The following ADAM23 variants were observed in gnomAD, a reference collection of about 807,000 sequenced individuals.
ADAM23 encodes disintegrin and metalloproteinase domain-containing protein 23.
A neutral mutation model predicts 120.1 loss-of-function variants in ADAM23; 33 were observed. The ratio of observed to expected loss-of-function variants is 0.27; its 90% confidence interval spans 0.21 to 0.37. The LOEUF is 0.37. Among genes scored for constraint, ADAM23 ranks in the 10% least tolerant of loss-of-function variants. ADAM23 has a pLI of 1.00. For synonymous variants in ADAM23, 367 were observed against 375.2 expected (o/e 0.98, Z 0.25); for missense variants, 862 against 1,058.2 (o/e 0.81, Z 2.57).
intron 4 of ADAM23, among the ~76,000 whole-genome samples, chr2:206,533,518 G>A (rs1214393596): frequency 6.6e-6 from 1 of 152,152 alleles, no homozygotes; most frequent in East Asian, 1.9e-4. Flanking sequence ...ATCTCAAATT[G>A]TTTAGAGAAA....
intron 3 of ADAM23, among the ~76,000 whole-genome samples, chr2:206,504,853 C>T (rs1267936444): frequency 6.6e-6 from 1 of 152,036 alleles, no homozygotes; most frequent in East Asian, 1.9e-4. Flanking sequence ...CTATAGGGCT[C>T]TTATATGTGT....
intron 19 of ADAM23, 137 bp downstream of exon 19, chr2:206,587,512 A>G (rs1698346490): frequency 1.6e-6 from 1 of 606,398 alleles, no homozygotes; most frequent in African/African-American, 1.9e-5. Flanking sequence ...ATTCTAATTT[A>G]GAGTTGCTTC....
At chr2:206,563,887 A>G (rs1697822267) in intron 13 of ADAM23, among the ~76,000 whole-genome samples, 3 of 151,586 alleles carry the variant, frequency 2.0e-5, no homozygotes, top group Admixed American at 1.3e-4. Flanking sequence ...CCACCACCAC[A>G]CCCGGCTAAT....
intron 18 of ADAM23, among the ~76,000 whole-genome samples, chr2:206,573,896 G>A (rs1259590313): frequency 6.6e-6 from 1 of 152,004 alleles, no homozygotes; most frequent in African/African-American, 2.4e-5. Context: ...CATTCTGCTG[G>A]ATGGCTTTTT....
chr2:206,597,751 A>G (rs573245688), intron 24 of ADAM23, among the ~76,000 whole-genome samples: 19 of 152,198 alleles, frequency 1.2e-4, no homozygotes, highest in Non-Finnish European at 2.4e-4. Context: ...AGGAAAATGC[A>G]TATAGGATTA....
At position 206,561,703 on chromosome 2, in the gene ADAM23, T is replaced by C. The variant is rs370126211; in HGVS notation, c.1254+491T>C. 3.8e-3 allele frequency among the ~76,000 whole-genome samples: 582 copies of C among 152,298 alleles called. 6 individuals are homozygous for C. Among genetic ancestry groups the C allele is most frequent in the African/African-American group, 0.013 (550 of 41,566 alleles). Reference sequence around the variant, plus strand: ...AATCTCATTGTTCAGATTTTAATACTTTCAGTTTTATAAAGGAAATTCTTA... The same window carrying C: ...AATCTCATTGTTCAGATTTTAATACCTTCAGTTTTATAAAGGAAATTCTTA... On this transcript the variant is annotated intron_variant, in intron 12 of 25. Transcript: ENST00000264377.
intron 23 of ADAM23, 95 bp from the exon 24 acceptor site, chr2:206,595,956 A>C (rs999226581): frequency 6.3e-6 from 6 of 948,164 alleles, no homozygotes; most frequent in Non-Finnish European, 9.5e-6. Context: ...ATAGCTTTTA[A>C]AGCTTCCTCC....
At chr2:206,480,221 T>C (rs1695867068) in intron 2 of ADAM23, among the ~76,000 whole-genome samples, 1 of 148,366 alleles carries the variant, frequency 6.7e-6, no homozygotes, top group Non-Finnish European at 1.5e-5. Context: ...ATGGGGAGAG[T>C]TTCAATCATC....
intron 3 of ADAM23, among the ~76,000 whole-genome samples, chr2:206,497,557 A>G (rs1310324982): frequency 6.6e-6 from 1 of 152,074 alleles, no homozygotes; most frequent in Non-Finnish European, 1.5e-5. Flanking sequence ...TACTGAATGG[A>G]CAAAAACTGG....
At chr2:206,481,716 T>C (rs1265528775) in intron 3 of ADAM23, among the ~76,000 whole-genome samples, 1 of 152,224 alleles carries the variant, frequency 6.6e-6, no homozygotes, top group Non-Finnish European at 1.5e-5. Context: ...ACAGAGTAAG[T>C]GATGACTTGC....
chr2:206,465,489 A>AT (rs1456850010), intron 2 of ADAM23, among the ~76,000 whole-genome samples: 1 of 152,182 alleles, frequency 6.6e-6, no homozygotes, highest in Non-Finnish European at 1.5e-5. Context: ...AAAAGTGTTA[A>AT]ATTTATTATA....
At position 206,505,671 on chromosome 2, in the gene ADAM23, ATG is replaced by A. The variant is rs1187327836; in HGVS notation, c.509+24364_509+24365del. Among the ~76,000 whole-genome samples, 4 of 152,302 alleles carry A rather than the reference ATG, an allele frequency of 2.6e-5. No homozygotes were observed. In the East Asian group the frequency reaches 7.7e-4, roughly 29 times the overall value. On this transcript the variant is annotated intron_variant, in intron 3 of 25. Coordinates refer to ENST00000264377, the MANE Select transcript of ADAM23 (RefSeq NM_003812.4). ...AGCACTAAAGAGTGAATCCTCCCTC[ATG>A]ATCCAGTCACTTTCCACAAGGCCCT...
chr2:206,600,800 A>G (rs1698626164), intron 24 of ADAM23, among the ~76,000 whole-genome samples: 1 of 152,188 alleles, frequency 6.6e-6, no homozygotes, highest in African/African-American at 2.4e-5. Context: ...TTCTCAAACC[A>G]AACTATTGAA....
chr2:206,563,749 A>G (rs1382863677), intron 13 of ADAM23, among the ~76,000 whole-genome samples: 1 of 112,676 alleles, frequency 8.9e-6, no homozygotes, highest in Admixed American at 9.7e-5. Flanking sequence ...TTTTTTTTTG[A>G]GAATGAGTCT....
Position 206,566,219 on chromosome 2 carries a change from A to G in ADAM23, c.1395-1004A>G, listed in dbSNP as rs192973220. Among the ~76,000 whole-genome samples, 532 of 149,234 alleles carry G rather than the reference A, an allele frequency of 3.6e-3. 5 individuals are homozygous for G. The highest frequency in any genetic ancestry group is 0.012 in the African/African-American group (501 of 41,064). On this transcript the variant is annotated intron_variant, in intron 14 of 25. Coordinates refer to ENST00000264377, the MANE Select transcript of ADAM23 (RefSeq NM_003812.4). ...TTTAATATATTTTATATAATAAAAT[A>G]TATAAAATGTTTTAAATAAGATAAA...
At chr2:206,597,573 C>T (rs1698553873) in intron 24 of ADAM23, among the ~76,000 whole-genome samples, 1 of 152,124 alleles carries the variant, frequency 6.6e-6, no homozygotes, top group South Asian at 2.1e-4. Context: ...ATCTAGAAAA[C>T]CCATCAGTCA....
At chr2:206,567,757 A>G (rs1697918010) in intron 15 of ADAM23, among the ~76,000 whole-genome samples, 1 of 152,162 alleles carries the variant, frequency 6.6e-6, no homozygotes, top group Non-Finnish European at 1.5e-5. Context: ...ACACTGCTAT[A>G]AAGATACTAC....
intron 3 of ADAM23, among the ~76,000 whole-genome samples, chr2:206,524,388 A>T (rs79081164): frequency 6.6e-6 from 1 of 152,212 alleles, no homozygotes; most frequent in African/African-American, 2.4e-5. Flanking sequence ...GACTTCCACA[A>T]CTTACACTGC....
intron 3 of ADAM23, among the ~76,000 whole-genome samples, chr2:206,513,588 G>A (rs963934987): frequency 6.6e-6 from 1 of 152,212 alleles, no homozygotes. Flanking sequence ...AAGTGCTAAT[G>A]TAGAAGCTGA....
Sources: allele counts gnomAD v4.1 joint callset (sites outside exome capture counted in the v4.1 genomes callset), GRCh38; gene constraint gnomAD v4.1.1; transcripts MANE v1.5; gene names NCBI Gene and HGNC (gene_info 2026-07-23, HGNC 2026-07-21).